TAF1L: variants seen among roughly 807,000 people sequenced by gnomAD.
The protein encoded by TAF1L is TATA-box binding protein associated factor 1 like, also known as transcription initiation factor TFIID subunit 1-like.
Under a neutral mutation model 128.8 loss-of-function variants are expected in TAF1L, and 30 were observed. The observed-to-expected ratio is 0.23, with a 90% confidence interval of 0.17 to 0.32. TAF1L has a LOEUF of 0.32. Ranked by LOEUF, TAF1L falls within the 10% of genes least tolerant of loss-of-function variation. TAF1L has a pLI of 1.00. For missense variants in TAF1L, 2,099 were observed against 2,253.7 expected (o/e 0.93, Z 1.39); for synonymous variants, 764 against 790.7 (o/e 0.97, Z 0.57).
chr9:32,631,010 C>T lies in TAF1L; in HGVS notation c.4570G>A (p.Val1524Met), dbSNP rs2119083752. 1 of 1,614,204 alleles carries T rather than the reference C, an allele frequency of 6.2e-7. No homozygotes were observed. Among genetic ancestry groups the T allele is most frequent in the Non-Finnish European group, 8.5e-7 (1 of 1,180,044 alleles). Reference protein sequence around the residue: ...INPLLDDDDQVAFSFILDNIV... With the variant: ...INPLLDDDDQMAFSFILDNIV... ...TTGTCCAGAATGAAAGAAAATGCCA[C>T]TTGGTCATCATCATCCAGCAAGGGG... Residue 1524 changes from valine (V) to methionine (M), a missense_variant, in exon 1 of 1, where the codon GTG becomes ATG. Transcript: ENST00000242310. The surrounding 1 kb of genome is among the most constrained non-coding windows in gnomAD (Gnocchi z 4.1).
chr9:32,630,917 ACTT>A lies in TAF1L; in HGVS notation c.4660_4662del (p.Lys1554del), dbSNP rs746455976. 5 of 1,614,192 alleles carry A rather than the reference ACTT, an allele frequency of 3.1e-6. No individual in the cohort carries two copies. In the South Asian group the frequency reaches 5.5e-5, roughly 18 times the overall value. ...ATCATTTTGTAATAATCTGGAACAA[ACTT>A]CTTATTAACTGGGTGATGAAATGGC... On this transcript the variant is annotated inframe_deletion, in exon 1 of 1. Coordinates refer to ENST00000242310, the MANE Select transcript of TAF1L (RefSeq NM_153809.2).
Position 32,635,596 on chromosome 9 carries a change from A to T in TAF1L, c.-17T>A. ...GGGTCGCATAAACCGGAAATAAAAC[A>T]ACAGTCGCCCGGAAGTGATCTACTT... On this transcript the variant is annotated 5_prime_UTR_variant, in exon 1 of 1. Coordinates refer to ENST00000242310, the MANE Select transcript of TAF1L (RefSeq NM_153809.2). The T allele has an allele frequency of 2.5e-6, 4 of 1,591,318 alleles. No homozygotes were observed. The highest frequency in any genetic ancestry group is 1.7e-6 in the Non-Finnish European group (2 of 1,168,172).
rs553990595 is a variant in TAF1L, at chr9:32,631,816, C to T, written c.3764G>A (p.Arg1255Gln). Reference protein sequence around the residue: ...RIQEQLRRLKRNQEKEKLKGP... With the variant: ...RIQEQLRRLKQNQEKEKLKGP... Reference sequence around the variant, plus strand: ...CTTAAGCTTCTCCTTTTCCTGGTTCCGCTTAAGCCGCCTCAGTTGCTCTTG... The same window carrying T: ...CTTAAGCTTCTCCTTTTCCTGGTTCTGCTTAAGCCGCCTCAGTTGCTCTTG... Residue 1255 changes from arginine (R) to glutamine (Q), a missense_variant, in exon 1 of 1, where the codon CGG (arginine) becomes CAG (glutamine). Physicochemically the swap from Arg to Gln is conservative, Grantham distance 43. This residue lies in a region of TAF1L where 1,213 missense variants were observed against 1,391.4 expected (regional missense o/e 0.87). Coordinates refer to ENST00000242310, the MANE Select transcript of TAF1L (RefSeq NM_153809.2). The surrounding 1 kb of genome is among the most constrained non-coding windows in gnomAD (Gnocchi z 4.1). 2.6e-5 allele frequency: 42 copies of T among 1,614,110 alleles called. No individual in the cohort carries two copies. The highest frequency in any genetic ancestry group is 3.3e-5 in the South Asian group (3 of 91,078).
chr9:32,629,567 G>A lies in TAF1L; in HGVS notation c.*532C>T. On this transcript the variant is annotated 3_prime_UTR_variant, in exon 1 of 1. Transcript: ENST00000242310. ...TTGTCACATAGGTTTAAGTGTAGCA[G>A]AGTCCACTAGAACCCAATTCTCTGT... 6.0e-6 allele frequency: 1 copy of A among 167,186 alleles called. No homozygotes were observed. The highest frequency in any genetic ancestry group is 1.5e-4 in the South Asian group (1 of 6,618). 10.4% of individuals were successfully genotyped at this position (167,186 alleles called of 1,614,324 possible).
chr9:32,630,030 C>T lies in TAF1L; in HGVS notation c.*69G>A, dbSNP rs1822495350. ...ATCAGGCTCCTCACAGCTCCCATAA[C>T]TGATGTTGCTATCCTCCAAATCATG... is the stretch of plus-strand genomic sequence containing the variant. On this transcript the variant is annotated 3_prime_UTR_variant, in exon 1 of 1. Transcript: ENST00000242310. 2.5e-6 allele frequency: 4 copies of T among 1,598,758 alleles called. No homozygotes were observed. In the African/African-American group the frequency reaches 5.3e-5, roughly 21 times the overall value.
chr9:32,630,589 T>G lies in TAF1L; in HGVS notation c.4991A>C (p.Gln1664Pro). 1.9e-6 allele frequency: 3 copies of G among 1,614,174 alleles called. No homozygotes were observed. Among genetic ancestry groups the G allele is most frequent in the Non-Finnish European group, 2.5e-6 (3 of 1,180,016 alleles). ...GTTGGTATCATACATATCAGGAGGCTGAGATGTGTAGGGCCCTGGGGTCAT... is the reference window on the plus strand; with the variant it reads ...GTTGGTATCATACATATCAGGAGGCGGAGATGTGTAGGGCCCTGGGGTCAT... ...DPMTPGPYTS[Q>P]PPDMYDTNTS... The change falls in exon 1 of 1, where the codon CAG (glutamine) becomes CCG (proline). Residue 1664 changes from glutamine to proline, a missense_variant. By Grantham distance (76) the Gln-to-Pro change is moderately conservative. This residue lies in a region of TAF1L where 404 missense variants were observed against 406.5 expected (regional missense o/e 0.99). Transcript: ENST00000242310.
chr9:32,633,031 T>C lies in TAF1L; in HGVS notation c.2549A>G (p.Lys850Arg). The C allele has an allele frequency of 1.9e-6, 3 of 1,614,176 alleles. No homozygotes were observed. Among genetic ancestry groups the C allele is most frequent in the Non-Finnish European group, 2.5e-6 (3 of 1,180,026 alleles). Residue 850 changes from lysine to arginine, a missense_variant, in exon 1 of 1, where the codon AAA becomes AGA. Lys to Arg is a conservative substitution (Grantham distance 26). Around this residue, in one of 4 missense-constraint regions of TAF1L, gnomAD observed 1,213 missense variants for 1,391.4 expected, o/e 0.87. Coordinates refer to ENST00000242310, the MANE Select transcript of TAF1L (RefSeq NM_153809.2). ...RPRRIRMEDI[K>R]KAFPSHSESS... is the part of the protein sequence containing the mutation. ...TTCTGAATGGGAAGGAAAGGCTTTTTTTATATCTTCCATTCGTATCCTCCG... is the reference window on the plus strand; with the variant it reads ...TTCTGAATGGGAAGGAAAGGCTTTTCTTATATCTTCCATTCGTATCCTCCG...
In TAF1L at chr9:32,631,307, G is replaced by A. The variant is rs2119084282; in HGVS notation, c.4273C>T (p.His1425Tyr). Residue 1425 changes from histidine (H) to tyrosine (Y), a missense_variant, in exon 1 of 1, where the codon CAC becomes TAC. Transcript: ENST00000242310. This position sits in a 1 kb window ranked among gnomAD's most constrained non-coding sequence, Gnocchi z 4.1. The part of the protein sequence containing the change: ...MRDLPNTHPF[H>Y]TPVNAKVVKD... Reference sequence around the variant, plus strand: ...ACAACCTTTGCATTGACTGGAGTGTGGAAAGGGTGTGTATTTGGAAGATCT... The same window carrying A: ...ACAACCTTTGCATTGACTGGAGTGTAGAAAGGGTGTGTATTTGGAAGATCT... The A allele has an allele frequency of 6.2e-7, 1 of 1,614,182 alleles. No individual in the cohort carries two copies. Among genetic ancestry groups the A allele is most frequent in the Admixed American group, 1.7e-5 (1 of 60,030 alleles).
rs764426328 is a variant in TAF1L, at chr9:32,633,072, C to A, written c.2508G>T (p.Lys836Asn). 30 of 1,614,066 alleles carry A rather than the reference C, an allele frequency of 1.9e-5. No homozygotes were observed. Among genetic ancestry groups the A allele is most frequent in the Non-Finnish European group, 2.4e-5 (28 of 1,180,052 alleles). ...GTATCCTCCGTGGCCGATCTTTACT[C>A]TTCCAGAAAAGGCGGTAAATAAAAA... ...LQVFIYRLFW[K>N]SKDRPRRIRM... The change falls in exon 1 of 1, where the codon AAG (lysine) becomes AAT (asparagine). Residue 836 changes from lysine to asparagine, a missense_variant. Coordinates refer to ENST00000242310, the MANE Select transcript of TAF1L (RefSeq NM_153809.2).
In TAF1L at chr9:32,635,401, T is replaced by A. The variant is rs768747100; in HGVS notation, c.179A>T (p.Glu60Val). The A allele has an allele frequency of 6.2e-7, 1 of 1,614,090 alleles. No individual in the cohort carries two copies. The highest frequency in any genetic ancestry group is 8.5e-7 in the Non-Finnish European group (1 of 1,180,014). ...QLEGESVLDDECKKHLAGLGA... is the reference protein window; with the variant it reads ...QLEGESVLDDVCKKHLAGLGA... ...CAAGCCTGCCAAGTGCTTCTTACAC[T>A]CATCATCCAAGACGCTTTCCCCCTC... The change falls in exon 1 of 1, where the codon GAG (glutamate) becomes GTG (valine). Residue 60 changes from glutamate to valine, a missense_variant. Physicochemically the swap from Glu to Val is moderately radical, Grantham distance 121. Coordinates refer to ENST00000242310, the MANE Select transcript of TAF1L (RefSeq NM_153809.2).
At position 32,633,224 on chromosome 9, in the gene TAF1L, T is replaced by A. The variant is rs1208161696; in HGVS notation, c.2356A>T (p.Thr786Ser). The part of the protein sequence containing the change: ...MPETDFLIIR[T>S]RQGYYIRELV... The stretch of plus-strand genomic sequence containing the variant: ...TCCCGAATATAGTAACCCTGTCTTG[T>A]CCGAATGATCAGAAAATCAGTTTCT... The change falls in exon 1 of 1, where the codon ACA becomes TCA. Residue 786 changes from threonine (T) to serine (S), a missense_variant. Transcript: ENST00000242310. 6.2e-7 allele frequency: 1 copy of A among 1,614,024 alleles called. No homozygotes were observed. Among genetic ancestry groups the A allele is most frequent in the African/African-American group, 1.3e-5 (1 of 74,886 alleles).
chr9:32,632,290 G>A lies in TAF1L; in HGVS notation c.3290C>T (p.Ser1097Leu), dbSNP rs143742251. ...GTCAGTTGATAAGACCTCAGTTGAT[G>A]ACAGAACCTTGTTCTGTAGGTCAAA... ...RIFDLQNKVL[S>L]STEVLSTDTD... The change falls in exon 1 of 1, where the codon TCA (serine) becomes TTA (leucine). Residue 1097 changes from serine (S) to leucine (L), a missense_variant. Ser to Leu is a moderately radical substitution (Grantham distance 145, BLOSUM62 -2). Coordinates refer to ENST00000242310, the MANE Select transcript of TAF1L (RefSeq NM_153809.2). This position sits in a 1 kb window ranked among gnomAD's most constrained non-coding sequence, Gnocchi z 4.4. 2.5e-6 allele frequency: 4 copies of A among 1,614,120 alleles called. No individual in the cohort carries two copies. In the Admixed American group the frequency reaches 5.0e-5, roughly 20 times the overall value.
chr9:32,634,235 C>T lies in TAF1L; in HGVS notation c.1345G>A (p.Gly449Ser), dbSNP rs573316825. 5.6e-6 allele frequency: 9 copies of T among 1,614,142 alleles called. No homozygotes were observed. In the African/African-American group the frequency reaches 9.3e-5, roughly 17 times the overall value. Residue 449 changes from glycine to serine, a missense_variant, in exon 1 of 1, where the codon GGT (glycine) becomes AGT (serine). This residue lies in a region of TAF1L where 1,213 missense variants were observed against 1,391.4 expected (regional missense o/e 0.87). Transcript: ENST00000242310. ...DIKHKGTKPQ[G>S]ASLAGWLPSI... ...GGAAGCCAGCCTGCCAGGCTTGCAC[C>T]CTGAGGTTTTGTCCCTTTGTGTTTG...
Position 32,634,384 on chromosome 9 carries a change from C to T in TAF1L, c.1196G>A (p.Arg399Lys), listed in dbSNP as rs778547702. 6.2e-7 allele frequency: 1 copy of T among 1,614,212 alleles called. No homozygotes were observed. Among genetic ancestry groups the T allele is most frequent in the African/African-American group, 1.3e-5 (1 of 75,058 alleles). Residue 399 changes from arginine to lysine, a missense_variant, in exon 1 of 1, where the codon AGA (arginine) becomes AAA (lysine). Transcript: ENST00000242310. Reference sequence around the variant, plus strand: ...AAGTTTCCTAAATTCCTCCATCATTCTAGATTTTATCACAGGTTCATGTTG... The same window carrying T: ...AAGTTTCCTAAATTCCTCCATCATTTTAGATTTTATCACAGGTTCATGTTG... Reference protein sequence around the residue: ...KTQHEPVIKSRMMEEFRKLEE... With the variant: ...KTQHEPVIKSKMMEEFRKLEE...
chr9:32,630,633 T>C lies in TAF1L; in HGVS notation c.4947A>G (p.Glu1649=), dbSNP rs1258269651. The C allele has an allele frequency of 6.2e-7, 1 of 1,614,038 alleles. No homozygotes were observed. Among genetic ancestry groups the C allele is most frequent in the Non-Finnish European group, 8.5e-7 (1 of 1,180,042 alleles). The part of the protein sequence containing the change: ...TAKEAALEEA[E]LESLDPMTPG... The stretch of plus-strand genomic sequence containing the variant: ...GGGTCATTGGGTCCAGGCTTTCTAA[T>C]TCTGCTTCCTCCAAAGCTGCTTCTT... The change falls in exon 1 of 1, where the codon GAA becomes GAG. Residue 1649 remains glutamate, a synonymous_variant. Coordinates refer to ENST00000242310, the MANE Select transcript of TAF1L (RefSeq NM_153809.2).
Position 32,630,660 on chromosome 9 carries a change from A to G in TAF1L, c.4920T>C (p.Ala1640=), listed in dbSNP as rs1312191510. The change falls in exon 1 of 1, where the codon GCT becomes GCC. Residue 1640 remains alanine, a synonymous_variant. Coordinates refer to ENST00000242310, the MANE Select transcript of TAF1L (RefSeq NM_153809.2). ...CTGCTTCCTCCAAAGCTGCTTCTTT[A>G]GCTGTACAAATATCCTTCTCAAGTT... ...LTQLEKDICT[A]KEAALEEAEL... 2.5e-6 allele frequency: 4 copies of G among 1,614,064 alleles called. No homozygotes were observed. The highest frequency in any genetic ancestry group is 3.3e-5 in the Admixed American group (2 of 60,006).
Position 32,631,620 on chromosome 9 carries a change from C to T in TAF1L, c.3960G>A (p.Glu1320=), listed in dbSNP as rs759447334. 1.2e-5 allele frequency: 19 copies of T among 1,614,172 alleles called. No homozygotes were observed. Among genetic ancestry groups the T allele is most frequent in the Non-Finnish European group, 1.6e-5 (19 of 1,180,030 alleles). The part of the protein sequence containing the change: ...KPVAMTEEQE[E]ELEKTVIHND... ...TATGAATGACTGTCTTTTCCAACTC[C>T]TCCTCCTGCTCTTCTGTCATGGCAA... The change falls in exon 1 of 1, where the codon GAG becomes GAA. Residue 1320 remains glutamate, a synonymous_variant. Coordinates refer to ENST00000242310, the MANE Select transcript of TAF1L (RefSeq NM_153809.2). The surrounding 1 kb of genome is among the most constrained non-coding windows in gnomAD (Gnocchi z 4.1).
chr9:32,632,487 C>T lies in TAF1L; in HGVS notation c.3093G>A (p.Val1031=). Residue 1031 remains valine (V), a synonymous_variant, in exon 1 of 1, where the codon GTG becomes GTA. Coordinates refer to ENST00000242310, the MANE Select transcript of TAF1L (RefSeq NM_153809.2). The surrounding 1 kb of genome is among the most constrained non-coding windows in gnomAD (Gnocchi z 4.4). ...NAKQLLRKFG[V]PEEEIKKLSR... Reference sequence around the variant, plus strand: ...ACAACTTTTTAATCTCTTCCTCAGGCACACCAAATTTACGTAGAAGTTGCT... The same window carrying T: ...ACAACTTTTTAATCTCTTCCTCAGGTACACCAAATTTACGTAGAAGTTGCT... 2 of 1,614,238 alleles carry T rather than the reference C, an allele frequency of 1.2e-6. No homozygotes were observed. Among genetic ancestry groups the T allele is most frequent in the Non-Finnish European group, 1.7e-6 (2 of 1,180,048 alleles).
rs1289820481 is a variant in TAF1L, at chr9:32,635,489, C to T, written c.91G>A (p.Gly31Arg). The change falls in exon 1 of 1, where the codon GGA becomes AGA. Residue 31 changes from glycine to arginine, a missense_variant. Around this residue, in one of 4 missense-constraint regions of TAF1L, gnomAD observed 473 missense variants for 429.6 expected, o/e 1.10. Coordinates refer to ENST00000242310, the MANE Select transcript of TAF1L (RefSeq NM_153809.2). ...CCCGCTAAAGTAAATGGGCCACCTC[C>T]AGATGAATCTTCCTCGCTGTCCGAG... ...SDSDSEEDSSGGGPFTLAGIL... is the reference protein window; with the variant it reads ...SDSDSEEDSSRGGPFTLAGIL... The T allele has an allele frequency of 6.2e-7, 1 of 1,614,182 alleles. No homozygotes were observed. The highest frequency in any genetic ancestry group is 1.1e-5 in the South Asian group (1 of 91,084).
Sources: allele counts gnomAD v4.1 joint callset, GRCh38; gene constraint gnomAD v4.1.1; regional missense constraint gnomAD v4.1.1; non-coding constraint Gnocchi (gnomAD v3.1); transcripts MANE v1.5; gene names NCBI Gene and HGNC (gene_info 2026-07-23, HGNC 2026-07-21).